Variants in CDYL2 observed in about 807,000 individuals in gnomAD.
The protein encoded by CDYL2 is chromodomain Y like 2, also known as chromodomain Y-like protein 2.
Under a neutral mutation model 49.4 loss-of-function variants are expected in CDYL2, and 23 were observed. That is an observed-to-expected ratio of 0.47 (90% CI 0.34 to 0.66). The LOEUF is 0.66. Among genes scored for constraint, CDYL2 ranks in the 30% least tolerant of loss-of-function variants. CDYL2 has a pLI of 0.01. For missense variants in CDYL2, 678 were observed against 656.4 expected (o/e 1.03, Z -0.36); for synonymous variants, 360 against 268.8 (o/e 1.34, Z -3.32).
intron 1 of CDYL2, among the ~76,000 whole-genome samples, chr16:80,775,067 A>G (rs897113390): frequency 2.6e-5 from 4 of 152,042 alleles, no homozygotes; most frequent in South Asian, 2.1e-4. Context: ...TCTTGAACAT[A>G]TAATTACATA....
chr16:80,740,961 T>A (rs901723403), intron 1 of CDYL2, among the ~76,000 whole-genome samples: 1 of 151,708 alleles, frequency 6.6e-6, no homozygotes, highest in Non-Finnish European at 1.5e-5. Flanking sequence ...CAAAACCCCA[T>A]CTGGATTTTT....
intron 1 of CDYL2, among the ~76,000 whole-genome samples, chr16:80,766,643 G>A (rs1161118347): frequency 6.6e-6 from 1 of 152,150 alleles, no homozygotes; most frequent in Non-Finnish European, 1.5e-5. Context: ...GATTCCAAGA[G>A]GTGCAGAAAT....
chr16:80,727,610 C>G (rs1466143924), intron 1 of CDYL2, among the ~76,000 whole-genome samples: 4 of 152,224 alleles, frequency 2.6e-5, no homozygotes, highest in African/African-American at 9.6e-5. Context: ...CTCAAGGAGG[C>G]CTGCCTGCCT....
chr16:80,665,292 T>A (rs543158089), intron 2 of CDYL2, among the ~76,000 whole-genome samples: 21 of 152,056 alleles, frequency 1.4e-4, no homozygotes, highest in African/African-American at 2.4e-5. Flanking sequence ...GTATCCACGT[T>A]CATGTAGGGC....
At chr16:80,745,652 A>G (rs1254724378) in intron 1 of CDYL2, among the ~76,000 whole-genome samples, 1 of 152,222 alleles carries the variant, frequency 6.6e-6, no homozygotes, top group Non-Finnish European at 1.5e-5. Flanking sequence ...CTACTACCAC[A>G]AAGAGATGAC....
At chr16:80,704,339 C>T (rs1038426512) in intron 1 of CDYL2, among the ~76,000 whole-genome samples, 7 of 152,192 alleles carry the variant, frequency 4.6e-5, no homozygotes, top group Admixed American at 3.9e-4. Flanking sequence ...AGAACCAATA[C>T]CAAAGATGGA....
rs1186754450 is a variant in CDYL2 at position 80,601,730 on chromosome 16, C to G, written c.*2658G>C. 1 of 152,178 alleles carries G rather than the reference C, an allele frequency of 6.6e-6. No individual in the cohort carries two copies. Among genetic ancestry groups the G allele is most frequent in the Non-Finnish European group, 1.5e-5 (1 of 68,048 alleles). The allele number at this position is 152,178 out of a possible 1,614,324, so 9.4% of individuals were successfully genotyped here. On this transcript the variant is annotated 3_prime_UTR_variant, in exon 7 of 7. Transcript: ENST00000570137. ...TCCACCCTGCAGCAAAAAGATTTCA[C>G]CTGCTTTCACCCAATTGGTGGAACT...
chr16:80,661,768 C>A (rs1187126669), intron 2 of CDYL2, among the ~76,000 whole-genome samples: 2 of 152,176 alleles, frequency 1.3e-5, no homozygotes, highest in African/African-American at 2.4e-5. Context: ...TGATGCTTTA[C>A]CAAGCAGAGC....
chr16:80,609,104 G>A (rs1210150623), intron 5 of CDYL2, among the ~76,000 whole-genome samples: 3 of 152,164 alleles, frequency 2.0e-5, no homozygotes, highest in Admixed American at 2.0e-4. Context: ...GGATATCTCT[G>A]TACCACACTC....
At chr16:80,795,959 T>C (rs1361658007) in intron 1 of CDYL2, among the ~76,000 whole-genome samples, 2 of 152,252 alleles carry the variant, frequency 1.3e-5, no homozygotes, top group African/African-American at 4.8e-5. Flanking sequence ...TTAAAAGCTT[T>C]GTCTAGCCAT....
intron 2 of CDYL2, among the ~76,000 whole-genome samples, chr16:80,637,625 T>G (rs181087250): frequency 9.8e-5 from 15 of 152,286 alleles, no homozygotes; most frequent in Non-Finnish European, 1.6e-4. Context: ...CTTTTGCACA[T>G]ACCAGCAATG....
At chr16:80,795,987 T>C (rs1907759368) in intron 1 of CDYL2, among the ~76,000 whole-genome samples, 1 of 152,236 alleles carries the variant, frequency 6.6e-6, no homozygotes, top group Non-Finnish European at 1.5e-5. Context: ...TACCAAATGA[T>C]GGAGTTGTGG....
Position 80,633,142 on chromosome 16 carries a change from T to C in CDYL2, c.711A>G (p.Arg237=), listed in dbSNP as rs1291747136. The C allele has an allele frequency of 3.1e-6, 5 of 1,614,218 alleles. No homozygotes were observed. Among genetic ancestry groups the C allele is most frequent in the Non-Finnish European group, 4.2e-6 (5 of 1,180,034 alleles). Reference sequence around the variant, plus strand: ...TGCTTTCATTCTGGCGGACACTGTATCTGAGCCTTTTGTCAAAGACGTAGT... The same window carrying C: ...TGCTTTCATTCTGGCGGACACTGTACCTGAGCCTTTTGTCAAAGACGTAGT... ...EKDYVFDKRL[R]YSVRQNESNC... The change falls in exon 3 of 7, where the codon AGA becomes AGG. Residue 237 remains arginine, a synonymous_variant. Coordinates refer to ENST00000570137, the MANE Select transcript of CDYL2 (RefSeq NM_152342.4).
At chr16:80,703,709 G>A (rs968921205) in intron 1 of CDYL2, among the ~76,000 whole-genome samples, 2 of 152,110 alleles carry the variant, frequency 1.3e-5, no homozygotes, top group Admixed American at 6.5e-5. Context: ...GTGGTCAGGG[G>A]CTTCTCCACG....
At chr16:80,765,842 A>C (rs1184376629) in intron 1 of CDYL2, among the ~76,000 whole-genome samples, 1 of 134,248 alleles carries the variant, frequency 7.4e-6, no homozygotes, top group Non-Finnish European at 1.6e-5. Flanking sequence ...GGAGTTTGAG[A>C]CCAGCCTGGG....
At chr16:80,645,329 T>C (rs541761056) in intron 2 of CDYL2, among the ~76,000 whole-genome samples, 111 of 152,080 alleles carry the variant, frequency 7.3e-4, no homozygotes, top group African/African-American at 2.4e-3. Context: ...GCGAAGGATA[T>C]GAACACACAC....
chr16:80,698,504 G>A (rs868642635), intron 1 of CDYL2, among the ~76,000 whole-genome samples: 3 of 152,060 alleles, frequency 2.0e-5, no homozygotes, highest in Non-Finnish European at 2.9e-5. Context: ...TATGTGATAC[G>A]GTTTGGATCT....
At chr16:80,728,708 T>C (rs555883424) in intron 1 of CDYL2, among the ~76,000 whole-genome samples, 3 of 152,198 alleles carry the variant, frequency 2.0e-5, no homozygotes, top group Non-Finnish European at 1.5e-5. Context: ...AAAGGTCGGG[T>C]TACCCACAAA....
chr16:80,604,443 G>C lies in CDYL2; in HGVS notation c.1466C>G (p.Ser489Cys). 2 of 1,614,206 alleles carry C rather than the reference G, an allele frequency of 1.2e-6. No individual in the cohort carries two copies. The highest frequency in any genetic ancestry group is 1.7e-6 in the Non-Finnish European group (2 of 1,180,038). ...CLMLKQLWSSSKGLDSLFSYL... is the reference protein window; with the variant it reads ...CLMLKQLWSSCKGLDSLFSYL... ...GCTGAAAAGGGAGTCAAGGCCTTTG[G>C]AGGAGCTCCAGAGCTGCTTGAGCAT... The change falls in exon 7 of 7, where the codon TCC becomes TGC. Residue 489 changes from serine (S) to cysteine (C), a missense_variant. By Grantham distance (112) the Ser-to-Cys change is moderately radical. Transcript: ENST00000570137.
Sources: gnomAD v4.1 joint callset for allele counts (sites outside exome capture counted in the v4.1 genomes callset) on GRCh38, gnomAD v4.1.1 for gene constraint, MANE v1.5 for transcripts, NCBI Gene and HGNC (gene_info 2026-07-23, HGNC 2026-07-21) for gene names.